The following RIPOR2 variants were observed in gnomAD, a reference collection of about 807,000 sequenced individuals.
The protein encoded by RIPOR2 is RHO family interacting cell polarization regulator 2, also known as rho family-interacting cell polarization regulator 2.
In RIPOR2, 39 loss-of-function variants were observed where a neutral mutation model predicts 114.5. The observed-to-expected ratio is 0.34, with a 90% CI of 0.26 to 0.44. The LOEUF is 0.44. RIPOR2 is among the 20% of genes least tolerant of loss of function. The pLI is 1.00. For synonymous variants in RIPOR2, 445 were observed against 484.4 expected, an observed-to-expected ratio of 0.92 and a Z score of 1.07; for missense variants, 1,007 against 1,255.1, an observed-to-expected ratio of 0.80 and a Z score of 2.99.
At chr6:25,001,242 T>TAATC (rs999734618) in intron 1 of RIPOR2, among the ~76,000 whole-genome samples, 1 of 152,252 alleles carries the variant, frequency 6.6e-6, no homozygotes, top group Non-Finnish European at 1.5e-5. Flanking sequence ...TGCATTTATG[T>TAATC]AATCATACAA....
At chr6:25,001,490 T>A (rs1400424229) in intron 1 of RIPOR2, among the ~76,000 whole-genome samples, 3 of 151,506 alleles carry the variant, frequency 2.0e-5, no homozygotes, top group Non-Finnish European at 4.4e-5. Flanking sequence ...CTGGGCGCGG[T>A]GGCGGGCACC....
At chr6:24,963,568 T>C (rs926669693) in intron 1 of RIPOR2, among the ~76,000 whole-genome samples, 2 of 152,168 alleles carry the variant, frequency 1.3e-5, no homozygotes, top group Non-Finnish European at 2.9e-5. Context: ...TATATACATA[T>C]ACACCAATAT....
upstream of RIPOR2, among the ~76,000 whole-genome samples, chr6:24,939,461 A>C (rs565668149): frequency 2.6e-5 from 4 of 152,306 alleles, no homozygotes; most frequent in African/African-American, 9.6e-5. Flanking sequence ...TAGTCACCCA[A>C]GATGGGAAAT....
At chr6:24,927,171 C>CACCATCACCACCACTACAACTACAGTT (rs1770956142) in intron 1 of RIPOR2, among the ~76,000 whole-genome samples, 1 of 4,626 alleles carries the variant, frequency 2.2e-4, no homozygotes, top group Non-Finnish European at 4.8e-4. Flanking sequence ...CAACTACAAT[C>CACCATCACCACCACTACAACTACAGTT]ACCACCACCA....
chr6:24,915,964 A>T lies in RIPOR2; in HGVS notation c.61+19874T>A, dbSNP rs541885031. ...GGCTCTTCTCACCCTGCATCCAGGG[A>T]AGAGTCTTGGAAAAAGTGCTGGACT... On this transcript the variant is annotated intron_variant, in intron 1 of 21. Transcript: ENST00000643898. Among the ~76,000 whole-genome samples, 11 of 152,298 alleles carry T rather than the reference A, an allele frequency of 7.2e-5. No individual in the cohort carries two copies. The East Asian group carries it at 2.1e-3, about 29-fold the overall frequency.
At chr6:24,956,234 T>C (rs1773038193) in intron 1 of RIPOR2, among the ~76,000 whole-genome samples, 1 of 152,216 alleles carries the variant, frequency 6.6e-6, no homozygotes, top group Admixed American at 6.5e-5. Flanking sequence ...ATTGAAATTA[T>C]TCCGCACATG....
intron 12 of RIPOR2, among the ~76,000 whole-genome samples, chr6:24,846,354 T>C (rs1762284086): frequency 7.1e-6 from 1 of 140,672 alleles, no homozygotes; most frequent in African/African-American, 2.6e-5. Context: ...TTGTCCAGAC[T>C]GGACTGCAGT....
intron 7 of RIPOR2, among the ~76,000 whole-genome samples, chr6:24,863,716 C>G (rs1046848505): frequency 2.3e-4 from 35 of 152,158 alleles, no homozygotes; most frequent in African/African-American, 8.2e-4. Context: ...ATTAGCCATA[C>G]CTGTGACTTT....
chr6:24,849,380 T>C lies in RIPOR2; in HGVS notation c.1034+422A>G, dbSNP rs1378562838. Among the ~76,000 whole-genome samples, 7 of 152,240 alleles carry C rather than the reference T, an allele frequency of 4.6e-5. No homozygotes were observed. In the East Asian group the frequency reaches 1.3e-3, roughly 29 times the overall value. ...AATTTTCCAGAGCAGTGTGAAGTTA[T>C]GCGATAAAGAGGAATAAGCATCCGT... On this transcript the variant is annotated intron_variant, in intron 11 of 21. Transcript: ENST00000643898.
chr6:24,928,815 GT>G (rs1771160722), intron 1 of RIPOR2, among the ~76,000 whole-genome samples: 1 of 152,186 alleles, frequency 6.6e-6, no homozygotes. Context: ...TCTCTTCTCT[GT>G]TTAGAGGTTC....
At chr6:24,992,610 A>G (rs1398981047) in intron 1 of RIPOR2, among the ~76,000 whole-genome samples, 1 of 152,234 alleles carries the variant, frequency 6.6e-6, no homozygotes, top group Non-Finnish European at 1.5e-5. Flanking sequence ...ATGAATAGGA[A>G]GAATCGATAT....
At chr6:24,839,958 TTTTTTTTTTGA>T in intron 13 of RIPOR2, 2 of 608,046 alleles carry the variant, frequency 3.3e-6, no homozygotes, top group Non-Finnish European at 4.0e-6. Flanking sequence ...TTTTTTTTTT[TTTTTTTTTTGA>T]GACAAGGTCT....
At chr6:24,886,921 G>A (rs1481337904) in intron 1 of RIPOR2, among the ~76,000 whole-genome samples, 1 of 152,126 alleles carries the variant, frequency 6.6e-6, no homozygotes, top group African/African-American at 2.4e-5. Flanking sequence ...CTATAATGAT[G>A]GCAAAATGGT....
chr6:25,013,258 T>C (rs1212661262), intron 1 of RIPOR2, among the ~76,000 whole-genome samples: 11 of 152,244 alleles, frequency 7.2e-5, no homozygotes, highest in African/African-American at 2.2e-4. Flanking sequence ...GGATGTATTT[T>C]CTGAAAGGTC....
At chr6:25,035,757 A>C (rs1777217488) in intron 1 of RIPOR2, among the ~76,000 whole-genome samples, 1 of 152,192 alleles carries the variant, frequency 6.6e-6, no homozygotes, top group Non-Finnish European at 1.5e-5. Flanking sequence ...TCTCTCTGCA[A>C]GCAGGGGCCA....
At chr6:24,958,478 C>T (rs1773146398) in intron 1 of RIPOR2, among the ~76,000 whole-genome samples, 1 of 152,174 alleles carries the variant, frequency 6.6e-6, no homozygotes, top group Admixed American at 6.5e-5. Context: ...TACTTAGTTA[C>T]TTCCCAGCGC....
chr6:24,913,097 T>A (rs995155335), intron 1 of RIPOR2, among the ~76,000 whole-genome samples: 2 of 152,010 alleles, frequency 1.3e-5, no homozygotes, highest in African/African-American at 4.8e-5. Context: ...ACTTACCCTA[T>A]TGGGCTGAGG....
chr6:24,989,382 G>A (rs1413687076), intron 1 of RIPOR2, among the ~76,000 whole-genome samples: 1 of 150,426 alleles, frequency 6.6e-6, no homozygotes, highest in Non-Finnish European at 1.5e-5. Flanking sequence ...TGCAACCTCC[G>A]CCTCCTGGGT....
At chr6:24,877,169 A>C in intron 1 of RIPOR2, 1 of 985,458 alleles carries the variant, frequency 1.0e-6, no homozygotes, top group East Asian at 1.1e-4. Context: ...TGTAATGGAA[A>C]GACCAATTTC....
Sources: allele counts gnomAD v4.1 joint callset (sites outside exome capture counted in the v4.1 genomes callset), GRCh38; gene constraint gnomAD v4.1.1; transcripts MANE v1.5; gene names NCBI Gene and HGNC (gene_info 2026-07-23, HGNC 2026-07-21).